Variants in MYO16 observed in about 807,000 individuals in gnomAD.
The protein encoded by MYO16 is myosin XVI.
In MYO16, 94 loss-of-function variants were observed where a neutral mutation model predicts 205.3. The observed-to-expected ratio is 0.46, with a 90% CI of 0.39 to 0.54. The LOEUF is 0.54. Among genes scored for constraint, MYO16 ranks in the 20% least tolerant of loss-of-function variants. The pLI, the probability that MYO16 is intolerant of heterozygous loss-of-function variation, is 0.00. For synonymous variants in MYO16, 988 were observed against 954.0 expected, an observed-to-expected ratio of 1.04 and a Z score of -0.66; for missense variants, 2,315 against 2,387.5, an observed-to-expected ratio of 0.97 and a Z score of 0.63.
chr13:108,992,217 T>A (rs1243969608), intron 20 of MYO16, among the ~76,000 whole-genome samples, 159 bp from the exon 21 acceptor site: 3 of 151,908 alleles, frequency 2.0e-5, no homozygotes, highest in Non-Finnish European at 4.4e-5. Context: ...ACTTTCAGAG[T>A]TTTTTTTAAT....
intron 12 of MYO16, among the ~76,000 whole-genome samples, chr13:108,868,936 C>A (rs1250396850): frequency 3.3e-5 from 5 of 149,582 alleles, no homozygotes; most frequent in East Asian, 2.0e-4. Context: ...AAAAAAAATC[C>A]TTTCTCTGGG....
chr13:108,682,864 G>T (rs1469335900), intron 2 of MYO16, among the ~76,000 whole-genome samples: 1 of 152,114 alleles, frequency 6.6e-6, no homozygotes, highest in Non-Finnish European at 1.5e-5. Context: ...GAATGTGCTT[G>T]GTCATGTCTT....
chr13:108,499,613 A>G, the MYO16 span, among the ~76,000 whole-genome samples: 4,709 of 152,308 alleles, frequency 0.031, 208 homozygotes, highest in African/African-American at 0.11. Context: ...TATAATAACT[A>G]GGAAGACATG....
chr13:109,098,826 CATCATA>C (rs1888861634), intron 27 of MYO16, among the ~76,000 whole-genome samples: 1 of 152,160 alleles, frequency 6.6e-6, no homozygotes, highest in South Asian at 2.1e-4. Context: ...TTTTGTCATA[CATCATA>C]ATCTGATCCA....
intron 21 of MYO16, among the ~76,000 whole-genome samples, chr13:108,996,180 A>G (rs956396595): frequency 6.6e-6 from 1 of 152,204 alleles, no homozygotes; most frequent in Non-Finnish European, 1.5e-5. Context: ...ATTTCTTATA[A>G]TAAGTACAAT....
chr13:109,098,354 GA>G (rs1214120122), intron 27 of MYO16, among the ~76,000 whole-genome samples: 2 of 152,186 alleles, frequency 1.3e-5, no homozygotes, highest in East Asian at 3.8e-4. Context: ...TGTGCTTTGA[GA>G]ATCGACAAAC....
intron 12 of MYO16, among the ~76,000 whole-genome samples, chr13:108,869,229 G>A (rs891518305): frequency 6.6e-6 from 1 of 152,134 alleles, no homozygotes; most frequent in African/African-American, 2.4e-5. Flanking sequence ...AAAAATGTTA[G>A]TAGTACTGAG....
At chr13:109,112,489 C>T (rs1412506125) in intron 28 of MYO16, among the ~76,000 whole-genome samples, 4 of 152,154 alleles carry the variant, frequency 2.6e-5, no homozygotes, top group Non-Finnish European at 4.4e-5. Flanking sequence ...GGCATGGTGG[C>T]TCATGCCTAT....
At chr13:109,174,506 C>T (rs1879073111) in intron 33 of MYO16, among the ~76,000 whole-genome samples, 4 of 152,022 alleles carry the variant, frequency 2.6e-5, no homozygotes, top group African/African-American at 4.8e-5. Context: ...ACAATAGGTG[C>T]TCAAGAGATA....
intron 28 of MYO16, among the ~76,000 whole-genome samples, chr13:109,117,240 C>T (rs1875738084): frequency 6.6e-6 from 1 of 151,940 alleles, no homozygotes; most frequent in African/African-American, 2.4e-5. Flanking sequence ...TATGCAAGGG[C>T]TTCACAATTC....
intron 7 of MYO16, among the ~76,000 whole-genome samples, chr13:108,807,792 T>C (rs946977783): frequency 3.3e-5 from 5 of 152,072 alleles, no homozygotes; most frequent in African/African-American, 1.2e-4. Context: ...AAAGTCTAAG[T>C]TGGTGAATTT....
chr13:109,050,098 G>A (rs1887196625), intron 24 of MYO16, among the ~76,000 whole-genome samples: 2 of 151,918 alleles, frequency 1.3e-5, no homozygotes, highest in African/African-American at 2.4e-5. Context: ...ATATTCAACA[G>A]GGATGTACTA....
the MYO16 span, among the ~76,000 whole-genome samples, chr13:108,563,503 G>A: frequency 6.6e-6 from 1 of 151,898 alleles, no homozygotes. Flanking sequence ...ACCCTTCCCA[G>A]CCTCTGATAA....
At position 109,127,221 on chromosome 13, in the gene MYO16, C is replaced by A; in HGVS notation, c.3783-61C>A. The A allele has an allele frequency of 6.7e-7, 1 of 1,502,920 alleles. No individual in the cohort carries two copies. Among genetic ancestry groups the A allele is most frequent in the Admixed American group, 2.3e-5 (1 of 44,300 alleles). The allele number at this position is 1,502,920 out of a possible 1,614,324, so 93.1% of individuals were successfully genotyped here. On this transcript the variant is annotated intron_variant, in intron 30 of 34. Transcript: ENST00000457511. This position sits in a 1 kb window ranked among gnomAD's most constrained non-coding sequence, Gnocchi z 4.2. ...GTCTGCTTGAGCAGGTTCCTTGTTA[C>A]CGGAATAATGCATCTGGGCCTCTCT...
chr13:109,032,570 A>G (rs528119591), intron 23 of MYO16, among the ~76,000 whole-genome samples: 1 of 152,234 alleles, frequency 6.6e-6, no homozygotes, highest in African/African-American at 2.4e-5. Context: ...TTATTAAAGC[A>G]ATAAAGCAAT....
chr13:108,496,387 G>A, the MYO16 span, among the ~76,000 whole-genome samples: 1 of 152,184 alleles, frequency 6.6e-6, no homozygotes, highest in Non-Finnish European at 1.5e-5. Context: ...GTTTCTTTGG[G>A]GATGGAAAAG....
chr13:108,744,846 C>A (rs1229860827), intron 4 of MYO16, among the ~76,000 whole-genome samples: 2 of 152,164 alleles, frequency 1.3e-5, no homozygotes, highest in South Asian at 2.1e-4. Context: ...AGACAAGAGC[C>A]TTTTGGTTTT....
intron 12 of MYO16, among the ~76,000 whole-genome samples, chr13:108,875,516 A>G (rs538685565): frequency 2.0e-5 from 3 of 152,188 alleles, no homozygotes; most frequent in Non-Finnish European, 4.4e-5. Flanking sequence ...ATTCCACAAC[A>G]TGAACTGTAA....
chr13:108,961,543 T>C lies in MYO16; in HGVS notation c.2042T>C (p.Val681Ala), dbSNP rs1883580935. The change falls in exon 18 of 35, where the codon GTG becomes GCG. Residue 681 changes from valine (V) to alanine (A), a missense_variant. Around this residue, in one of 3 missense-constraint regions of MYO16, gnomAD observed 1,213 missense variants for 1,274.4 expected, o/e 0.95. Coordinates refer to ENST00000457511, the MANE Select transcript of MYO16 (RefSeq NM_001198950.3). ...CTCTGTTTGTAAAATGCATAGGAGG[T>C]GGAGAATCTGTTCGTAATTCTAGCA... ...LNVVGFSSLE[V>A]ENLFVILAAI... The C allele has an allele frequency of 6.2e-7, 1 of 1,612,800 alleles. No homozygotes were observed. Among genetic ancestry groups the C allele is most frequent in the South Asian group, 1.1e-5 (1 of 91,054 alleles).
Sources: gnomAD v4.1 joint callset for allele counts (sites outside exome capture counted in the v4.1 genomes callset) on GRCh38, gnomAD v4.1.1 for gene constraint, gnomAD v4.1.1 regional missense constraint, Gnocchi (gnomAD v3.1) non-coding constraint, MANE v1.5 for transcripts, NCBI Gene and HGNC (gene_info 2026-07-23, HGNC 2026-07-21) for gene names.